HDAC4: variants seen among roughly 807,000 people sequenced by gnomAD.
The protein encoded by HDAC4 is histone deacetylase 4, also known as histone deacetylase A.
HDAC4 carries 16 observed loss-of-function variants against 135.1 expected under a neutral mutation model. The ratio of observed to expected loss-of-function variants is 0.12; its 90% CI spans 0.08 to 0.18. HDAC4 has a LOEUF of 0.18. HDAC4 is among the 10% of genes least tolerant of loss of function. HDAC4 has a pLI of 1.00. For missense variants in HDAC4, 1,143 were observed against 1,511.8 expected, an observed-to-expected ratio of 0.76 and a Z score of 4.05; for synonymous variants, 685 against 653.4, an observed-to-expected ratio of 1.05 and a Z score of -0.74.
chr2:239,224,209 C>A (rs2047120070), intron 3 of HDAC4, among the ~76,000 whole-genome samples: 1 of 152,222 alleles, frequency 6.6e-6, no homozygotes, highest in Admixed American at 6.5e-5. Context: ...AAGGAAATCC[C>A]ATCTACGTCA....
At chr2:239,295,698 T>C (rs2051845625) in intron 2 of HDAC4, among the ~76,000 whole-genome samples, 1 of 152,224 alleles carries the variant, frequency 6.6e-6, no homozygotes, top group Non-Finnish European at 1.5e-5. Context: ...TCGTTTACCA[T>C]TCCCGTTCAG....
intron 1 of HDAC4, among the ~76,000 whole-genome samples, chr2:239,368,000 A>T (rs1415384552): frequency 6.6e-6 from 1 of 152,060 alleles, no homozygotes; most frequent in East Asian, 1.9e-4. Context: ...TAAATAAATA[A>T]ATAAATTTCA....
At chr2:239,111,810 G>A (rs2038700113) in intron 13 of HDAC4, 98 bp from the exon 14 acceptor site, 11 of 1,139,854 alleles carry the variant, frequency 9.7e-6, no homozygotes, top group Admixed American at 2.0e-5. Flanking sequence ...TCCCGTCCAC[G>A]CACAGGCCAT....
In HDAC4 at chr2:239,244,245, G is replaced by T. The variant is rs889302609; in HGVS notation, c.23-7581C>A. 2.6e-5 allele frequency among the ~76,000 whole-genome samples: 4 copies of T among 152,210 alleles called. 1 individual carries two copies. In the South Asian group the frequency reaches 8.3e-4, roughly 32 times the overall value. On this transcript the variant is annotated intron_variant, in intron 2 of 26. Transcript: ENST00000543185. ...CTTGGTTCTCGTGTCTGGGGCAAAA[G>T]GACTTGTCTTTTGCCTGAATAAGGA...
chr2:239,208,326 CAAAAAAAAAAAAAAAAAA>C (rs759398313), intron 3 of HDAC4, among the ~76,000 whole-genome samples: 1 of 68,210 alleles, frequency 1.5e-5, no homozygotes, highest in African/African-American at 1.0e-4. Flanking sequence ...GACTCCGTCC[CAAAAAAAAAAAAAAAAAA>C]AAAAAAAGAA....
chr2:239,346,770 C>T (rs571539690), intron 2 of HDAC4, among the ~76,000 whole-genome samples: 1 of 141,546 alleles, frequency 7.1e-6, no homozygotes, highest in African/African-American at 2.6e-5. Flanking sequence ...TCTAAACACA[C>T]ACCCTAACAC....
intron 3 of HDAC4, among the ~76,000 whole-genome samples, chr2:239,207,612 G>A (rs2046119247): frequency 6.6e-6 from 1 of 152,144 alleles, no homozygotes; most frequent in Non-Finnish European, 1.5e-5. Context: ...AGGCCAGTAA[G>A]TTTTAAAACT....
At chr2:239,133,526 C>A (rs1050619981) in intron 11 of HDAC4, among the ~76,000 whole-genome samples, 1 of 152,186 alleles carries the variant, frequency 6.6e-6, no homozygotes, top group Non-Finnish European at 1.5e-5. Flanking sequence ...GAGTGCAGTG[C>A]CACCATCTCG....
chr2:239,281,918 A>C (rs2050787422), intron 2 of HDAC4, among the ~76,000 whole-genome samples: 1 of 137,864 alleles, frequency 7.3e-6, no homozygotes, highest in African/African-American at 2.8e-5. Flanking sequence ...ACACCACACT[A>C]CACACAATGT....
intron 2 of HDAC4, among the ~76,000 whole-genome samples, chr2:239,320,037 G>C (rs1035110010): frequency 2.0e-5 from 3 of 152,120 alleles, no homozygotes; most frequent in Admixed American, 2.0e-4. Context: ...TCTTTAATTA[G>C]AGATTTATAA....
chr2:239,169,776 G>A (rs2043338674), intron 5 of HDAC4, among the ~76,000 whole-genome samples: 1 of 152,038 alleles, frequency 6.6e-6, no homozygotes, highest in Non-Finnish European at 1.5e-5. Flanking sequence ...TTCTCCTCAA[G>A]GCCTCTGCAG....
intron 7 of HDAC4, 22 bp downstream of exon 7, chr2:239,156,630 C>T (rs2152951063): frequency 6.2e-7 from 1 of 1,614,008 alleles, no homozygotes. Flanking sequence ...CCTCCCGGCC[C>T]ACAGCATGCC....
At chr2:239,252,594 C>T (rs926465074) in intron 2 of HDAC4, among the ~76,000 whole-genome samples, 4 of 152,220 alleles carry the variant, frequency 2.6e-5, no homozygotes, top group African/African-American at 9.6e-5. Context: ...CAAGAGCTCT[C>T]ATGTCCCACG....
intron 3 of HDAC4, among the ~76,000 whole-genome samples, chr2:239,227,791 G>T (rs2047326531): frequency 6.6e-6 from 1 of 152,198 alleles, no homozygotes; most frequent in African/African-American, 2.4e-5. Flanking sequence ...AGGCAAATGT[G>T]ACTGACTCAG....
intron 2 of HDAC4, among the ~76,000 whole-genome samples, chr2:239,237,726 A>C (rs968425002): frequency 1.3e-5 from 2 of 152,088 alleles, no homozygotes; most frequent in African/African-American, 4.8e-5. Context: ...TAGAACTGGG[A>C]AAGTGTGAGG....
intron 3 of HDAC4, among the ~76,000 whole-genome samples, chr2:239,223,381 G>A (rs1222301073): frequency 6.6e-6 from 1 of 152,216 alleles, no homozygotes; most frequent in African/African-American, 2.4e-5. Flanking sequence ...TCTGGAGACC[G>A]GCGTGGGCTG....
chr2:239,220,593 T>C (rs1052282371), intron 3 of HDAC4, among the ~76,000 whole-genome samples: 29 of 152,286 alleles, frequency 1.9e-4, no homozygotes, highest in African/African-American at 7.0e-4. Flanking sequence ...GTCAGCGGCC[T>C]TTCATCATGA....
intron 2 of HDAC4, among the ~76,000 whole-genome samples, chr2:239,304,747 T>C (rs2052476917): frequency 6.6e-6 from 1 of 152,168 alleles, no homozygotes; most frequent in African/African-American, 2.4e-5. Context: ...AACTGCTTGC[T>C]TCTGAATCTC....
intron 2 of HDAC4, among the ~76,000 whole-genome samples, chr2:239,341,535 A>G (rs973855982): frequency 6.6e-6 from 1 of 152,228 alleles, no homozygotes; most frequent in Non-Finnish European, 1.5e-5. Context: ...GAGGTGAGAA[A>G]GGCTTTCAGG....
Sources: gnomAD v4.1 joint callset for allele counts (sites outside exome capture counted in the v4.1 genomes callset) on GRCh38, gnomAD v4.1.1 for gene constraint, MANE v1.5 for transcripts, NCBI Gene and HGNC (gene_info 2026-07-23, HGNC 2026-07-21) for gene names.